Variants in CLTCL1 observed in about 807,000 individuals in gnomAD.
CLTCL1 encodes clathrin heavy chain 2.
Under a neutral mutation model 190.0 loss-of-function variants are expected in CLTCL1, and 159 were observed. That is an observed-to-expected ratio of 0.84 (90% CI 0.74 to 0.95). The LOEUF is 0.95. Ranked by LOEUF, CLTCL1 falls within the 40% of genes least tolerant of loss-of-function variation. The probability of loss-of-function intolerance (pLI) is 0.00; values close to 1 mark genes in which losing one functional copy is unlikely to be tolerated. For synonymous variants in CLTCL1, 752 were observed against 769.6 expected (o/e 0.98, Z 0.38); for missense variants, 1,878 against 2,033.4 (o/e 0.92, Z 1.47).
At chr22:19,196,106 A>G (rs1445583349) in intron 26 of CLTCL1, among the ~76,000 whole-genome samples, 160 bp downstream of exon 26, 1 of 152,188 alleles carries the variant, frequency 6.6e-6, no homozygotes, top group Non-Finnish European at 1.5e-5. Context: ...AGATGGAATT[A>G]CTACCATCTG....
chr22:19,249,873 G>A lies in CLTCL1; in HGVS notation c.519+4086C>T, dbSNP rs1165022542. The stretch of plus-strand genomic sequence containing the variant: ...GATTTTGAAACTTAAAAAAAAAATC[G>A]CCAGGTACCATGCAAAAGCAATCTT... On this transcript the variant is annotated intron_variant, in intron 3 of 32. Coordinates refer to ENST00000427926, the MANE Select transcript of CLTCL1 (RefSeq NM_007098.4). The A allele has an allele frequency of 1.7e-5, 7 of 414,724 alleles. No homozygotes were observed. In the East Asian group the frequency reaches 2.2e-4, roughly 13 times the overall value. 25.7% of individuals were successfully genotyped at this position (414,724 alleles called of 1,614,324 possible).
chr22:19,243,697 CTTT>C (rs1175325908), intron 3 of CLTCL1, among the ~76,000 whole-genome samples: 36 of 107,890 alleles, frequency 3.3e-4, no homozygotes, highest in African/African-American at 1.1e-3. Context: ...TTCTTTCTTT[CTTT>C]TTTTTTTTTT....
At chr22:19,224,993 C>T (rs2085694404) in intron 13 of CLTCL1, among the ~76,000 whole-genome samples, 1 of 152,152 alleles carries the variant, frequency 6.6e-6, no homozygotes, top group African/African-American at 2.4e-5. Flanking sequence ...AGGAAGACAA[C>T]CAGGTTACCT....
intron 1 of CLTCL1, among the ~76,000 whole-genome samples, chr22:19,281,736 G>T (rs2087723436): frequency 6.6e-6 from 1 of 152,046 alleles, no homozygotes; most frequent in South Asian, 2.1e-4. Flanking sequence ...ATCGATGTTG[G>T]GTTAATACGG....
At chr22:19,190,415 T>A (rs1366165677) in intron 27 of CLTCL1, among the ~76,000 whole-genome samples, 1 of 152,110 alleles carries the variant, frequency 6.6e-6, no homozygotes, top group East Asian at 1.9e-4. Context: ...GTTTGTGGCA[T>A]CCCAAAACAA....
intron 2 of CLTCL1, chr22:19,258,419 T>C: frequency 2.5e-6 from 1 of 394,712 alleles, no homozygotes; most frequent in Non-Finnish European, 4.8e-6. Flanking sequence ...AGCTGAGATG[T>C]CCAGTCCAGT....
In CLTCL1 at chr22:19,180,888, G is replaced by C. The variant is rs939127770; in HGVS notation, c.4828-82C>G. 5 of 1,189,530 alleles carry C rather than the reference G, an allele frequency of 4.2e-6. No homozygotes were observed. The East Asian group carries it at 1.2e-4, about 28-fold the overall frequency. The allele number at this position is 1,189,530 out of a possible 1,614,324, so 73.7% of individuals were successfully genotyped here. On this transcript the variant is annotated intron_variant, in intron 30 of 32. Transcript: ENST00000427926. The stretch of plus-strand genomic sequence containing the variant: ...AGGTGAAAGTGGAGTGGAAGGTCAG[G>C]ACACAGGGCCTCCAGGAGAATGACA...
chr22:19,245,763 A>C (rs1555967684), intron 3 of CLTCL1, among the ~76,000 whole-genome samples: 1 of 152,188 alleles, frequency 6.6e-6, no homozygotes, highest in East Asian at 1.9e-4. Context: ...TAACAATAAA[A>C]TATGAGGCCT....
At chr22:19,227,574 C>A (rs1408108828) in intron 11 of CLTCL1, among the ~76,000 whole-genome samples, 1 of 151,954 alleles carries the variant, frequency 6.6e-6, no homozygotes, top group African/African-American at 2.4e-5. Context: ...CCTGCCTCAG[C>A]CTCCCAAGTA....
chr22:19,255,767 G>T (rs558257648), intron 2 of CLTCL1, among the ~76,000 whole-genome samples: 1 of 151,294 alleles, frequency 6.6e-6, no homozygotes, highest in African/African-American at 2.4e-5. Context: ...AAAATTAGCC[G>T]GGCATGGTGG....
chr22:19,180,013 A>T lies in CLTCL1; in HGVS notation c.*21-44T>A, dbSNP rs1366465218. The T allele has an allele frequency of 1.5e-5, 9 of 607,816 alleles. No individual in the cohort carries two copies. The East Asian group carries it at 2.5e-4, about 17-fold the overall frequency. 37.7% of individuals were successfully genotyped at this position (607,816 alleles called of 1,614,324 possible). ...ACAATGAGCAGAGCTCTTCCTGCCCATGGGGGTCCTCTCCTGGCTGCCCCT... is the reference window on the plus strand; with the variant it reads ...ACAATGAGCAGAGCTCTTCCTGCCCTTGGGGGTCCTCTCCTGGCTGCCCCT... On this transcript the variant is annotated intron_variant, in intron 32 of 32. Coordinates refer to ENST00000427926, the MANE Select transcript of CLTCL1 (RefSeq NM_007098.4).
chr22:19,243,836 T>C (rs566887455), intron 3 of CLTCL1, among the ~76,000 whole-genome samples: 9 of 151,572 alleles, frequency 5.9e-5, no homozygotes, highest in Non-Finnish European at 1.0e-4. Context: ...TAGCTGGGAC[T>C]ATAGGCGCCC....
intron 2 of CLTCL1, among the ~76,000 whole-genome samples, chr22:19,255,841 C>T (rs897240235): frequency 4.0e-5 from 6 of 148,364 alleles, no homozygotes; most frequent in Admixed American, 1.4e-4. Flanking sequence ...GCCTGGGAGG[C>T]GGAGGTTGCA....
chr22:19,250,378 G>A (rs1267556782), intron 3 of CLTCL1, among the ~76,000 whole-genome samples: 3 of 122,502 alleles, frequency 2.4e-5, no homozygotes, highest in Non-Finnish European at 5.1e-5. Flanking sequence ...TTGTTCTATT[G>A]CCCAGGCTGG....
chr22:19,199,666 C>G (rs1449443381), intron 24 of CLTCL1, 68 bp downstream of exon 24: 1 of 1,189,960 alleles, frequency 8.4e-7, no homozygotes, highest in Non-Finnish European at 1.2e-6. Context: ...AGGGGATGAC[C>G]GTGCCTCTCT....
At chr22:19,203,150 A>G (rs2084949147) in intron 22 of CLTCL1, among the ~76,000 whole-genome samples, 1 of 152,100 alleles carries the variant, frequency 6.6e-6, no homozygotes, top group African/African-American at 2.4e-5. Context: ...CCCTGTCTCT[A>G]CTACAAATAG....
At chr22:19,196,738 G>T in intron 24 of CLTCL1, 82 bp from the exon 25 acceptor site, 1 of 1,462,544 alleles carries the variant, frequency 6.8e-7, no homozygotes, top group Non-Finnish European at 9.3e-7. Context: ...CACGCCGCAG[G>T]GACTGTGCTT....
chr22:19,284,059 C>CT (rs1555988691), intron 1 of CLTCL1, among the ~76,000 whole-genome samples: 1 of 151,706 alleles, frequency 6.6e-6, no homozygotes, highest in African/African-American at 2.4e-5. Flanking sequence ...TCTGATAGTC[C>CT]TGTGGTTTCT....
intron 3 of CLTCL1, among the ~76,000 whole-genome samples, chr22:19,250,303 A>G (rs1205289539): frequency 6.6e-6 from 1 of 151,148 alleles, no homozygotes; most frequent in African/African-American, 2.4e-5. Context: ...TTTTTTGGGC[A>G]CATCACTTTT....
Sources: gnomAD v4.1 joint callset for allele counts (sites outside exome capture counted in the v4.1 genomes callset) on GRCh38, gnomAD v4.1.1 for gene constraint, MANE v1.5 for transcripts, NCBI Gene and HGNC (gene_info 2026-07-23, HGNC 2026-07-21) for gene names.